The following ZNF536 variants were observed in gnomAD, a reference collection of about 807,000 sequenced individuals.
The protein encoded by ZNF536 is zinc finger protein 536.
Under a neutral mutation model 84.5 loss-of-function variants are expected in ZNF536, and 13 were observed. That is an observed-to-expected ratio of 0.15 (90% CI 0.10 to 0.24). The LOEUF is 0.24. Ranked by LOEUF, ZNF536 falls within the 10% of genes least tolerant of loss-of-function variation. The pLI is 1.00. For synonymous variants in ZNF536, 811 were observed against 742.5 expected (o/e 1.09, Z -1.50); for missense variants, 1,536 against 1,747.5 (o/e 0.88, Z 2.16).
intron 2 of ZNF536, among the ~76,000 whole-genome samples, chr19:30,520,152 G>T (rs1279462659): frequency 6.6e-6 from 1 of 152,200 alleles, no homozygotes; most frequent in Non-Finnish European, 1.5e-5. Flanking sequence ...GGCCCGGTGG[G>T]CCAGTAGGGC....
At chr19:30,238,464 C>T (rs2023702798) in intron 1 of ZNF536, among the ~76,000 whole-genome samples, 1 of 151,860 alleles carries the variant, frequency 6.6e-6, no homozygotes, top group Non-Finnish European at 1.5e-5. Flanking sequence ...CACACAATCA[C>T]ACATGAAAAC....
intron 1 of ZNF536, among the ~76,000 whole-genome samples, chr19:30,430,907 C>T (rs1862600233): frequency 6.6e-6 from 1 of 152,230 alleles, no homozygotes; most frequent in South Asian, 2.1e-4. Flanking sequence ...AACTCCTAAT[C>T]TCAAGTGATC....
At chr19:30,464,907 A>T (rs1000304421) in intron 2 of ZNF536, among the ~76,000 whole-genome samples, 2 of 151,584 alleles carry the variant, frequency 1.3e-5, no homozygotes, top group African/African-American at 4.9e-5. Flanking sequence ...CTCTTCGGGG[A>T]ATTTGGATGG....
intron 1 of ZNF536, among the ~76,000 whole-genome samples, chr19:30,275,463 G>A (rs1242403891): frequency 3.9e-5 from 6 of 152,144 alleles, no homozygotes; most frequent in Non-Finnish European, 5.9e-5. Flanking sequence ...TCTGACCGGC[G>A]GACATCAGGC....
chr19:30,691,611 T>G (rs2051412479), intron 1 of ZNF536, among the ~76,000 whole-genome samples: 1 of 152,196 alleles, frequency 6.6e-6, no homozygotes, highest in South Asian at 2.1e-4. Context: ...TCGCTTTTCC[T>G]TCTGTGGGCC....
chr19:30,458,032 T>G (rs2052937631), intron 2 of ZNF536, among the ~76,000 whole-genome samples: 1 of 152,186 alleles, frequency 6.6e-6, no homozygotes, highest in Non-Finnish European at 1.5e-5. Context: ...TATCTTCTGA[T>G]GAAGCAAAAC....
intron 1 of ZNF536, among the ~76,000 whole-genome samples, chr19:30,423,682 C>T (rs1432466408): frequency 6.6e-6 from 1 of 152,222 alleles, no homozygotes; most frequent in African/African-American, 2.4e-5. Context: ...ACAGTCTGCT[C>T]AATGTGTCCC....
intron 1 of ZNF536, among the ~76,000 whole-genome samples, chr19:30,656,938 A>T (rs1291623588): frequency 6.6e-6 from 1 of 152,138 alleles, no homozygotes; most frequent in Non-Finnish European, 1.5e-5. Flanking sequence ...TCCTTTAGTT[A>T]TCTCCTTCAC....
intron 2 of ZNF536, among the ~76,000 whole-genome samples, chr19:30,461,568 C>T (rs1477937784): frequency 1.3e-5 from 2 of 152,176 alleles, no homozygotes; most frequent in South Asian, 2.1e-4. Context: ...TGTGAATATC[C>T]CCGAGCCCCT....
chr19:30,398,189 A>G (rs533068442), intron 1 of ZNF536, among the ~76,000 whole-genome samples: 22 of 152,204 alleles, frequency 1.4e-4, no homozygotes, highest in East Asian at 1.2e-3. Context: ...AGATTCCGTA[A>G]CCACTGCCTT....
chr19:30,297,902 G>GCCCC (rs1568313143), intron 2 of ZNF536, among the ~76,000 whole-genome samples: 1 of 119,626 alleles, frequency 8.4e-6, no homozygotes, highest in African/African-American at 4.0e-5. Context: ...TCAAGACGGA[G>GCCCC]TCCCCCCCCC....
chr19:30,443,693 G>A lies in ZNF536; in HGVS notation c.131G>A (p.Ser44Asn), dbSNP rs917874260. The change falls in exon 2 of 5, where the codon AGC (serine) becomes AAC (asparagine). Residue 44 changes from serine (S) to asparagine (N), a missense_variant. Coordinates refer to ENST00000355537, the MANE Select transcript of ZNF536 (RefSeq NM_014717.3). ...CTGCACCAGATCACCTCCCAGCTCA[G>A]CCATGCCTTCCCCGAGCTCCATCCC... ...QKLHQITSQL[S>N]HAFPELHPRP... 3.7e-6 allele frequency: 6 copies of A among 1,613,724 alleles called. No individual in the cohort carries two copies. In the Admixed American group the frequency reaches 6.7e-5, roughly 18 times the overall value.
chr19:30,408,695 T>A (rs918916519), intron 1 of ZNF536, among the ~76,000 whole-genome samples: 5 of 152,294 alleles, frequency 3.3e-5, no homozygotes, highest in Middle Eastern at 3.4e-3. Flanking sequence ...TAGTTATTCA[T>A]CCATCCATAT....
At chr19:30,707,493 G>A (rs1157713619) in intron 1 of ZNF536, among the ~76,000 whole-genome samples, 1 of 152,116 alleles carries the variant, frequency 6.6e-6, no homozygotes, top group African/African-American at 2.4e-5. Flanking sequence ...CTCTTACCTG[G>A]CAATCATGGC....
chr19:30,642,131 C>T (rs547614111), intron 1 of ZNF536, among the ~76,000 whole-genome samples: 2 of 152,234 alleles, frequency 1.3e-5, no homozygotes, highest in East Asian at 1.9e-4. Context: ...GCATTGTGAG[C>T]TGAATCCTAT....
chr19:30,417,130 C>T (rs574471040), intron 1 of ZNF536, among the ~76,000 whole-genome samples: 51 of 148,602 alleles, frequency 3.4e-4, no homozygotes, highest in Admixed American at 1.0e-3. Flanking sequence ...CATGCCACCA[C>T]GCCAGGCTAA....
intron 2 of ZNF536, among the ~76,000 whole-genome samples, chr19:30,512,812 T>TAA (rs1568502073): frequency 4.6e-5 from 7 of 152,240 alleles, no homozygotes; most frequent in African/African-American, 1.7e-4. Context: ...TTCGAATTAC[T>TAA]TTCTAGCAAT....
Position 30,388,800 on chromosome 19 carries a change from G to A in ZNF536, c.-3+16244G>A, listed in dbSNP as rs2049455116. 2.0e-5 allele frequency among the ~76,000 whole-genome samples: 3 copies of A among 152,184 alleles called. No homozygotes were observed. The South Asian group carries it at 6.2e-4, about 32-fold the overall frequency. On this transcript the variant is annotated intron_variant, in intron 1 of 4. Transcript: ENST00000355537. ...CTTGGTTAATTTATAGTAGCCAATG[G>A]GAAGACAGAGAGAGATTCCTTTATG... is the stretch of plus-strand genomic sequence containing the variant.
At chr19:30,315,414 A>C (rs2046646011) in intron 2 of ZNF536, among the ~76,000 whole-genome samples, 1 of 152,106 alleles carries the variant, frequency 6.6e-6, no homozygotes, top group Non-Finnish European at 1.5e-5. Flanking sequence ...TTATATGCAG[A>C]GGTAAGAAAA....
Sources: allele counts gnomAD v4.1 joint callset (sites outside exome capture counted in the v4.1 genomes callset), GRCh38; gene constraint gnomAD v4.1.1; transcripts MANE v1.5; gene names NCBI Gene and HGNC (gene_info 2026-07-23, HGNC 2026-07-21).